P3H2: variants seen among roughly 807,000 people sequenced by gnomAD.
The protein encoded by P3H2 is prolyl 3-hydroxylase 2.
Under a neutral mutation model 87.0 loss-of-function variants are expected in P3H2, and 80 were observed. The observed-to-expected ratio is 0.92, with a 90% CI of 0.77 to 1.11. P3H2 has a LOEUF of 1.11. Among genes scored for constraint, P3H2 ranks in the 50% least tolerant of loss-of-function variants. P3H2 has a pLI of 0.00. For missense variants in P3H2, 1,001 were observed against 923.9 expected, an observed-to-expected ratio of 1.08 and a Z score of -1.08; for synonymous variants, 367 against 359.3, an observed-to-expected ratio of 1.02 and a Z score of -0.24.
At chr3:190,119,131 A>AGAGGAGAGGGGAGGG (rs1560025726) in intron 1 of P3H2, among the ~76,000 whole-genome samples, 4 of 73,988 alleles carry the variant, frequency 5.4e-5, no homozygotes, top group Non-Finnish European at 9.8e-5. Context: ...GGAAGAGAGG[A>AGAGGAGAGGGGAGGG]GAGGAGAGGG....
rs1420317824 is a variant in P3H2 at position 190,046,101 on chromosome 3, C to T, written c.481-50659G>A. Among the ~76,000 whole-genome samples, 5 of 144,384 alleles carry T rather than the reference C, an allele frequency of 3.5e-5. No individual in the cohort carries two copies. The East Asian group carries it at 6.2e-4, about 18-fold the overall frequency. The allele number at this position is 144,384 out of a possible 152,430, so 94.7% of individuals were successfully genotyped here. A position where few individuals can be genotyped will look rare whatever the true frequency, so the allele number is the denominator to read the frequency against. On this transcript the variant is annotated intron_variant, in intron 1 of 14. Coordinates refer to ENST00000319332, the MANE Select transcript of P3H2 (RefSeq NM_018192.4). ...TCGCACCACTGCACTCCCGCCTGGG[C>T]GACAGAGCAAGACTCCATCTCAAAA...
intron 1 of P3H2, among the ~76,000 whole-genome samples, chr3:189,997,253 C>T (rs1203024452): frequency 2.0e-5 from 3 of 152,176 alleles, no homozygotes; most frequent in Non-Finnish European, 2.9e-5. Flanking sequence ...ATCTCCTGAC[C>T]TTGTGATCCG....
At chr3:190,005,321 GTTTCC>G (rs1456227740) in intron 1 of P3H2, among the ~76,000 whole-genome samples, 2 of 150,876 alleles carry the variant, frequency 1.3e-5, no homozygotes, top group African/African-American at 5.0e-5. Flanking sequence ...AAGTCCACAT[GTTTCC>G]TGAGTAGACT....
At chr3:189,989,960 C>T (rs1267932644) in intron 3 of P3H2, among the ~76,000 whole-genome samples, 1 of 152,210 alleles carries the variant, frequency 6.6e-6, no homozygotes, top group Non-Finnish European at 1.5e-5. Context: ...ATGTATTTTC[C>T]AGCAAGAAAG....
chr3:190,011,435 T>C (rs1724585401), intron 1 of P3H2, among the ~76,000 whole-genome samples: 1 of 152,164 alleles, frequency 6.6e-6, no homozygotes, highest in Admixed American at 6.5e-5. Context: ...TCCATTTTGG[T>C]TTATCCTAAA....
At chr3:190,035,669 C>T (rs897329545) in intron 1 of P3H2, among the ~76,000 whole-genome samples, 14 of 151,988 alleles carry the variant, frequency 9.2e-5, no homozygotes, top group African/African-American at 3.4e-4. Context: ...ATGTCCTTTG[C>T]CTTAATTTAC....
At chr3:190,082,189 G>T (rs989029887) in intron 1 of P3H2, among the ~76,000 whole-genome samples, 38 of 152,160 alleles carry the variant, frequency 2.5e-4, no homozygotes, top group Non-Finnish European at 1.0e-4. Context: ...CCGGTAGACG[G>T]AAGTTGCAGT....
chr3:189,989,588 T>C (rs1448134328), intron 3 of P3H2, among the ~76,000 whole-genome samples: 4 of 152,124 alleles, frequency 2.6e-5, no homozygotes, highest in Non-Finnish European at 2.9e-5. Context: ...AAATAAAAAC[T>C]CTTTTTTTTT....
At chr3:190,075,068 T>C (rs1340776680) in intron 1 of P3H2, among the ~76,000 whole-genome samples, 1 of 152,196 alleles carries the variant, frequency 6.6e-6, no homozygotes, top group Non-Finnish European at 1.5e-5. Context: ...TAGCATATAA[T>C]GAGAGTGATG....
chr3:190,089,084 T>A (rs1180505929), intron 1 of P3H2, among the ~76,000 whole-genome samples: 1 of 152,192 alleles, frequency 6.6e-6, no homozygotes, highest in Non-Finnish European at 1.5e-5. Flanking sequence ...TAGCCCTTTA[T>A]CTTATCTCCT....
At chr3:190,098,699 G>A (rs1259108833) in intron 1 of P3H2, among the ~76,000 whole-genome samples, 7 of 152,112 alleles carry the variant, frequency 4.6e-5, no homozygotes, top group African/African-American at 9.7e-5. Context: ...CTAGATCAGT[G>A]TTTCTCAAAA....
chr3:189,984,517 TA>T, intron 7 of P3H2, 32 bp downstream of exon 7: 1 of 1,563,066 alleles, frequency 6.4e-7, no homozygotes, highest in African/African-American at 1.4e-5. Flanking sequence ...TTTCTCCTCA[TA>T]AAAAACCAGT....
intron 1 of P3H2, among the ~76,000 whole-genome samples, chr3:190,006,945 G>C (rs1018627682): frequency 6.6e-6 from 1 of 152,144 alleles, no homozygotes. Context: ...TCCCGGAAAA[G>C]GGGAAACAGA....
chr3:189,957,707 A>AGAGAGAGG lies in P3H2; in HGVS notation c.*204_*205insCCTCTCTC. On this transcript the variant is annotated 3_prime_UTR_variant, in exon 15 of 15. Transcript: ENST00000319332. Reference sequence around the variant, plus strand: ...TTAGACCATGTCTCTAAGAAGAGAGAGAGAGAGAGAGAGAGAGAAAACAAC... The same window carrying AGAGAGAGG: ...TTAGACCATGTCTCTAAGAAGAGAGAGAGAGAGGGAGAGAGAGAGAGAGAGAAAACAAC... 1 of 588,332 alleles carries AGAGAGAGG rather than the reference A, an allele frequency of 1.7e-6. No homozygotes were observed. Among genetic ancestry groups the AGAGAGAGG allele is most frequent in the South Asian group, 2.0e-5 (1 of 49,010 alleles). The allele number at this position is 588,332 out of a possible 1,614,324, so 36.4% of individuals were successfully genotyped here.
chr3:190,088,149 T>TA lies in P3H2; in HGVS notation c.480+32102dup, dbSNP rs575196294. 5.7e-3 allele frequency among the ~76,000 whole-genome samples: 870 copies of TA among 152,262 alleles called. 4 individuals are homozygous for TA. The highest frequency in any genetic ancestry group is 0.018 in the African/African-American group (745 of 41,542). On this transcript the variant is annotated intron_variant, in intron 1 of 14. Transcript: ENST00000319332. ...AGATCTAAAGTCTCATTGATGATAA[T>TA]AAAAAAATTTAAAGCCATTTTTAAA...
At position 190,098,952 on chromosome 3, in the gene P3H2, A is replaced by G. The variant is rs189440761; in HGVS notation, c.480+21300T>C. Among the ~76,000 whole-genome samples, 598 of 152,260 alleles carry G rather than the reference A, an allele frequency of 3.9e-3. 1 individual carries two copies. Among genetic ancestry groups the G allele is most frequent in the African/African-American group, 0.013 (559 of 41,560 alleles). On this transcript the variant is annotated intron_variant, in intron 1 of 14. Coordinates refer to ENST00000319332, the MANE Select transcript of P3H2 (RefSeq NM_018192.4). The stretch of plus-strand genomic sequence containing the variant: ...AGGTTTATTTGATCTTGCTAACTTA[A>G]TATTGTTGATACAACGCTGTTTACT...
intron 1 of P3H2, among the ~76,000 whole-genome samples, chr3:190,039,558 A>G (rs1229025847): frequency 1.4e-4 from 21 of 152,224 alleles, no homozygotes; most frequent in African/African-American, 4.8e-4. Flanking sequence ...AACATGTGTT[A>G]AGCCCATAGC....
chr3:190,094,322 T>C (rs1177310626), intron 1 of P3H2, among the ~76,000 whole-genome samples: 4 of 152,248 alleles, frequency 2.6e-5, no homozygotes, highest in African/African-American at 9.6e-5. Flanking sequence ...CTTTAGTATT[T>C]CAACTAGCCT....
intron 1 of P3H2, among the ~76,000 whole-genome samples, chr3:190,039,860 T>C (rs1284817031): frequency 1.3e-5 from 2 of 152,168 alleles, no homozygotes; most frequent in Admixed American, 1.3e-4. Context: ...GAACACTCTG[T>C]AGGTGTTCAG....
Sources: gnomAD v4.1 joint callset for allele counts (sites outside exome capture counted in the v4.1 genomes callset) on GRCh38, gnomAD v4.1.1 for gene constraint, MANE v1.5 for transcripts, NCBI Gene and HGNC (gene_info 2026-07-23, HGNC 2026-07-21) for gene names.